Variants in FBXL13 observed in about 807,000 individuals in gnomAD.
FBXL13 encodes F-box and leucine rich repeat protein 13.
Under a neutral mutation model 83.6 loss-of-function variants are expected in FBXL13, and 67 were observed. The observed-to-expected ratio is 0.80, with a 90% CI of 0.66 to 0.98. The LOEUF (loss-of-function observed/expected upper bound fraction) is 0.98. Among genes scored for constraint, FBXL13 ranks in the 50% least tolerant of loss-of-function variants. FBXL13 has a pLI of 0.00. For synonymous variants in FBXL13, 272 were observed against 299.5 expected (o/e 0.91, Z 0.95); for missense variants, 822 against 866.5 (o/e 0.95, Z 0.64).
exon 5 of FBXL13, chr7:103,027,472 T>C: frequency 1.2e-6 from 2 of 1,612,360 alleles, no homozygotes; most frequent in South Asian, 1.1e-5. Flanking sequence ...TTCTTTTTAC[T>C]CTTATGTCTT....
chr7:102,906,842 CT>C (rs1435856481), intron 11 of FBXL13, among the ~76,000 whole-genome samples: 1 of 152,172 alleles, frequency 6.6e-6, no homozygotes, highest in African/African-American at 2.4e-5. Flanking sequence ...TGGGTTAGAT[CT>C]GCTTGATGTT....
chr7:102,949,079 G>C (rs984493060), intron 8 of FBXL13, among the ~76,000 whole-genome samples: 1 of 152,104 alleles, frequency 6.6e-6, no homozygotes, highest in African/African-American at 2.4e-5. Context: ...GATTACAACT[G>C]TTGTGTTCAA....
At chr7:102,812,972 A>G (rs1251918235), downstream of FBXL13, among the ~76,000 whole-genome samples, 1 of 150,968 alleles carries the variant, frequency 6.6e-6, no homozygotes, top group East Asian at 2.0e-4. Flanking sequence ...CCTCCTGAGT[A>G]GCTGGGATTA....
At chr7:102,959,111 C>T (rs1466697621) in intron 8 of FBXL13, among the ~76,000 whole-genome samples, 1 of 151,904 alleles carries the variant, frequency 6.6e-6, no homozygotes, top group East Asian at 1.9e-4. Context: ...GACAGTCTAC[C>T]TAGAAAATTC....
At chr7:102,955,599 G>GAA (rs1824133048) in intron 8 of FBXL13, among the ~76,000 whole-genome samples, 1 of 148,412 alleles carries the variant, frequency 6.7e-6, no homozygotes. Flanking sequence ...GAATCCAGGA[G>GAA]TTTTTTTTTT....
At chr7:103,041,505 T>C (rs1055809487) in intron 2 of FBXL13, among the ~76,000 whole-genome samples, 1 of 152,112 alleles carries the variant, frequency 6.6e-6, no homozygotes, top group Non-Finnish European at 1.5e-5. Context: ...AAAAGCCTGA[T>C]AGAGACAAAA....
intron 2 of FBXL13, among the ~76,000 whole-genome samples, chr7:103,047,830 G>T (rs980389960): frequency 6.6e-6 from 1 of 152,076 alleles, no homozygotes; most frequent in Non-Finnish European, 1.5e-5. Flanking sequence ...AAGTAGCTGG[G>T]CTTACAGGCA....
intron 19 of FBXL13, among the ~76,000 whole-genome samples, chr7:102,821,155 A>G (rs539560254): frequency 2.0e-5 from 3 of 152,250 alleles, no homozygotes; most frequent in East Asian, 1.9e-4. Context: ...CTAGGACCCT[A>G]TTTCATTGTA....
chr7:102,912,940 C>T, intron 11 of FBXL13, 146 bp downstream of exon 12: 1 of 1,075,576 alleles, frequency 9.3e-7, no homozygotes, highest in South Asian at 1.8e-5. Context: ...GGGAAAATTT[C>T]AGCAGCTGGG....
chr7:103,031,935 T>C (rs1453028212), intron 2 of FBXL13, among the ~76,000 whole-genome samples: 1 of 152,206 alleles, frequency 6.6e-6, no homozygotes, highest in Admixed American at 6.5e-5. Context: ...TTACCCTCTC[T>C]AGGAATTACT....
chr7:102,996,460 C>G (rs1317442154), intron 6 of FBXL13, among the ~76,000 whole-genome samples: 1 of 152,190 alleles, frequency 6.6e-6, no homozygotes, highest in African/African-American at 2.4e-5. Context: ...CTTTTTACTG[C>G]AACCTAAACA....
chr7:102,863,520 G>A (rs2129453560), intron 16 of FBXL13, among the ~76,000 whole-genome samples: 1 of 151,846 alleles, frequency 6.6e-6, no homozygotes, highest in South Asian at 2.1e-4. Context: ...AATTGGGGGG[G>A]GGGATGGTAC....
intron 6 of FBXL13, among the ~76,000 whole-genome samples, chr7:103,007,947 C>A (rs139549473): frequency 5.3e-5 from 8 of 152,106 alleles, no homozygotes; most frequent in Non-Finnish European, 1.0e-4. Flanking sequence ...AGGAATGGCC[C>A]AGAGTGAAAT....
chr7:102,830,509 A>C (rs1207968790), intron 18 of FBXL13, among the ~76,000 whole-genome samples: 1 of 152,218 alleles, frequency 6.6e-6, no homozygotes, highest in African/African-American at 2.4e-5. Flanking sequence ...GAACCAGATG[A>C]TGCTGACCAG....
chr7:102,856,606 C>T (rs1233167507), intron 16 of FBXL13, among the ~76,000 whole-genome samples: 3 of 152,188 alleles, frequency 2.0e-5, no homozygotes, highest in Non-Finnish European at 4.4e-5. Context: ...AATGTCATGT[C>T]TCATCACTGT....
chr7:102,877,404 A>C, intron 16 of FBXL13, 63 bp downstream of exon 17: 3 of 1,303,420 alleles, frequency 2.3e-6, no homozygotes, highest in Non-Finnish European at 3.1e-6. Context: ...TTATTTACAA[A>C]ATAGCAAATA....
chr7:102,982,407 T>C (rs1250737457), intron 6 of FBXL13, among the ~76,000 whole-genome samples: 1 of 152,116 alleles, frequency 6.6e-6, no homozygotes, highest in Non-Finnish European at 1.5e-5. Flanking sequence ...GAGTATCATA[T>C]ATTGGACTGT....
At chr7:102,952,537 A>C (rs1393739070) in intron 8 of FBXL13, among the ~76,000 whole-genome samples, 1 of 152,214 alleles carries the variant, frequency 6.6e-6, no homozygotes, top group Non-Finnish European at 1.5e-5. Context: ...ATCATAACAG[A>C]ATATTATGAA....
At chr7:102,934,639 C>T in intron 8 of FBXL13, 1 of 1,607,504 alleles carries the variant, frequency 6.2e-7, no homozygotes, top group Non-Finnish European at 8.5e-7. Context: ...CAACTTTTTG[C>T]CACAATTATG....
Sources: gnomAD v4.1 joint callset for allele counts (sites outside exome capture counted in the v4.1 genomes callset) on GRCh38, gnomAD v4.1.1 for gene constraint, MANE v1.5 for transcripts, NCBI Gene and HGNC (gene_info 2026-07-23, HGNC 2026-07-21) for gene names.